DSCAM: variants seen among roughly 807,000 people sequenced by gnomAD.
The protein encoded by DSCAM is cell adhesion molecule DSCAM.
Under a neutral mutation model 217.7 loss-of-function variants are expected in DSCAM, and 47 were observed. The observed-to-expected ratio is 0.22, with a 90% CI of 0.17 to 0.28. The LOEUF (loss-of-function observed/expected upper bound fraction) is 0.28. Among genes scored for constraint, DSCAM ranks in the 10% least tolerant of loss-of-function variants. DSCAM has a pLI of 1.00. For synonymous variants in DSCAM, 1,056 were observed against 1,015.3 expected (o/e 1.04, Z -0.76); for missense variants, 2,080 against 2,618.3 (o/e 0.79, Z 4.49).
chr21:40,452,212 T>C (rs878940670), intron 3 of DSCAM, among the ~76,000 whole-genome samples: 15 of 143,970 alleles, frequency 1.0e-4, no homozygotes, highest in Non-Finnish European at 2.3e-4. Flanking sequence ...TATAATAGTA[T>C]ATACATACTA....
chr21:40,258,889 G>C (rs536704094), intron 11 of DSCAM, among the ~76,000 whole-genome samples: 1 of 152,358 alleles, frequency 6.6e-6, no homozygotes, highest in South Asian at 2.1e-4. Context: ...CACAGCAGTA[G>C]AGTGGACACC....
chr21:40,669,072 A>G (rs935570398), intron 3 of DSCAM, among the ~76,000 whole-genome samples: 3 of 152,196 alleles, frequency 2.0e-5, no homozygotes. Flanking sequence ...AGCCAAGCTC[A>G]AGACCTTCAC....
chr21:40,349,218 C>T (rs2074602627), intron 5 of DSCAM, among the ~76,000 whole-genome samples: 1 of 149,554 alleles, frequency 6.7e-6, no homozygotes, highest in African/African-American at 2.5e-5. Flanking sequence ...CCTAATTTGC[C>T]TTGTCCCAAG....
intron 16 of DSCAM, among the ~76,000 whole-genome samples, chr21:40,165,090 C>A (rs1358866338): frequency 1.3e-5 from 2 of 152,162 alleles, no homozygotes; most frequent in Non-Finnish European, 2.9e-5. Flanking sequence ...GAATGAGCTT[C>A]CACCTTAGAC....
chr21:40,597,057 A>AT (rs1487300760), intron 3 of DSCAM, among the ~76,000 whole-genome samples: 5 of 152,222 alleles, frequency 3.3e-5, no homozygotes, highest in African/African-American at 1.2e-4. Context: ...GTTTACAAAT[A>AT]TTTTTGCTAG....
chr21:40,386,006 A>G (rs1485934954), intron 3 of DSCAM, among the ~76,000 whole-genome samples: 2 of 152,216 alleles, frequency 1.3e-5, no homozygotes, highest in African/African-American at 4.8e-5. Flanking sequence ...CATGAGCTTT[A>G]GGTGGATCTA....
At chr21:40,567,768 G>A (rs1382935967) in intron 3 of DSCAM, among the ~76,000 whole-genome samples, 1 of 152,210 alleles carries the variant, frequency 6.6e-6, no homozygotes, top group African/African-American at 2.4e-5. Context: ...ACTTAGATTA[G>A]CATCAGGCAT....
At chr21:40,663,606 G>C (rs1462574437) in intron 3 of DSCAM, among the ~76,000 whole-genome samples, 1 of 152,172 alleles carries the variant, frequency 6.6e-6, no homozygotes, top group Non-Finnish European at 1.5e-5. Flanking sequence ...CTCGTTCACA[G>C]ATAGGCATGT....
chr21:40,433,663 T>C (rs2075556997), intron 3 of DSCAM, among the ~76,000 whole-genome samples: 1 of 152,210 alleles, frequency 6.6e-6, no homozygotes, highest in Admixed American at 6.5e-5. Context: ...CAATGTCACC[T>C]GAAGTGGATG....
intron 2 of DSCAM, among the ~76,000 whole-genome samples, chr21:40,699,779 C>T (rs2090636035): frequency 6.6e-6 from 1 of 152,160 alleles, no homozygotes. Flanking sequence ...AGGTTGGCTA[C>T]TGAGATTTAA....
intron 20 of DSCAM, among the ~76,000 whole-genome samples, 185 bp from the exon 21 acceptor site, chr21:40,094,059 T>C (rs2089646418): frequency 6.6e-6 from 1 of 152,224 alleles, no homozygotes; most frequent in Admixed American, 6.5e-5. Context: ...CATCTACATT[T>C]TTCTCTGCAG....
chr21:40,452,659 G>A (rs1392900303), intron 3 of DSCAM, among the ~76,000 whole-genome samples: 1 of 151,972 alleles, frequency 6.6e-6, no homozygotes, highest in African/African-American at 2.4e-5. Flanking sequence ...TAGGTTATGT[G>A]ATATCAACGT....
intron 9 of DSCAM, among the ~76,000 whole-genome samples, chr21:40,296,481 T>G (rs1309375730): frequency 6.6e-6 from 1 of 152,100 alleles, no homozygotes; most frequent in African/African-American, 2.4e-5. Context: ...TTTAATTGTG[T>G]TATCAAAAAT....
chr21:40,312,178 C>G lies in DSCAM; in HGVS notation c.1965G>C (p.Arg655Ser). Residue 655 changes from arginine (R) to serine (S), a missense_variant, in exon 9 of 33, where the codon AGG becomes AGC. Coordinates refer to ENST00000400454, the MANE Select transcript of DSCAM (RefSeq NM_001389.5). ...IDNIDFTSSLRISNLSLMHNG... is the reference protein window; with the variant it reads ...IDNIDFTSSLSISNLSLMHNG... ...TGTGCATGAGCGAGAGATTGGAAATCCTCAAGGAGCTCGTGAAGTCAATAT... is the reference window on the plus strand; with the variant it reads ...TGTGCATGAGCGAGAGATTGGAAATGCTCAAGGAGCTCGTGAAGTCAATAT... 1 of 1,613,994 alleles carries G rather than the reference C, an allele frequency of 6.2e-7. No homozygotes were observed. Among genetic ancestry groups the G allele is most frequent in the Non-Finnish European group, 8.5e-7 (1 of 1,180,004 alleles).
At chr21:40,817,259 T>C (rs1259432235) in intron 1 of DSCAM, among the ~76,000 whole-genome samples, 10 of 152,230 alleles carry the variant, frequency 6.6e-5, no homozygotes, top group African/African-American at 2.4e-5. Flanking sequence ...TGTAGTATTT[T>C]ATTCCACATA....
At chr21:40,590,441 G>A (rs1453975049) in intron 3 of DSCAM, among the ~76,000 whole-genome samples, 1 of 152,170 alleles carries the variant, frequency 6.6e-6, no homozygotes. Context: ...CTCCCAGTGT[G>A]AACATGGGGA....
At position 40,187,921 on chromosome 21, in the gene DSCAM, C is replaced by T; in HGVS notation, c.2620G>A (p.Asp874Asn). Residue 874 changes from aspartate (D) to asparagine (N), a missense_variant, in exon 13 of 33, where the codon GAC becomes AAC. Coordinates refer to ENST00000400454, the MANE Select transcript of DSCAM (RefSeq NM_001389.5). ...ACTGTGAGCTGAATTATTCCACGGT[C>T]CTCCCCATAAGAATTAATAGCATGG... ...SCHAINSYGE[D>N]RGIIQLTVQE... 6.2e-7 allele frequency: 1 copy of T among 1,614,070 alleles called. No homozygotes were observed. Among genetic ancestry groups the T allele is most frequent in the Non-Finnish European group, 8.5e-7 (1 of 1,180,008 alleles).
chr21:40,179,844 C>A (rs575396106), intron 14 of DSCAM, among the ~76,000 whole-genome samples: 4 of 152,158 alleles, frequency 2.6e-5, no homozygotes, highest in African/African-American at 9.7e-5. Context: ...AATGTCAATA[C>A]GTGGTTCTTA....
intron 16 of DSCAM, among the ~76,000 whole-genome samples, chr21:40,145,162 C>T (rs1030507912): frequency 6.6e-6 from 1 of 152,088 alleles, no homozygotes; most frequent in Non-Finnish European, 1.5e-5. Context: ...TGAGACTGAC[C>T]CTCAGGCCTG....
Sources: gnomAD v4.1 joint callset for allele counts (sites outside exome capture counted in the v4.1 genomes callset) on GRCh38, gnomAD v4.1.1 for gene constraint, MANE v1.5 for transcripts, NCBI Gene and HGNC (gene_info 2026-07-23, HGNC 2026-07-21) for gene names.